Variants in CTNNA3 observed in about 807,000 individuals in gnomAD.
The protein encoded by CTNNA3 is catenin alpha-3.
CTNNA3 carries 76 observed loss-of-function variants against 95.7 expected under a neutral mutation model. The observed-to-expected ratio is 0.79, with a 90% confidence interval of 0.66 to 0.96. CTNNA3 has a LOEUF of 0.96. CTNNA3 is among the 40% of genes least tolerant of loss of function. The pLI is 0.00. For synonymous variants in CTNNA3, 431 were observed against 374.4 expected (o/e 1.15, Z -1.74); for missense variants, 1,191 against 1,089.8 (o/e 1.09, Z -1.31).
At chr10:66,328,725 A>G (rs1443512944) in intron 12 of CTNNA3, among the ~76,000 whole-genome samples, 1 of 151,286 alleles carries the variant, frequency 6.6e-6, no homozygotes, top group Non-Finnish European at 1.5e-5. Flanking sequence ...TGCCTTCTGC[A>G]GGCTGGAGAC....
At chr10:66,417,438 T>A (rs534272195) in intron 11 of CTNNA3, among the ~76,000 whole-genome samples, 2 of 152,126 alleles carry the variant, frequency 1.3e-5, no homozygotes, top group South Asian at 4.1e-4. Context: ...TGGGGGAATT[T>A]ACCACCTTAT....
chr10:66,414,054 A>G (rs979211646), intron 11 of CTNNA3, among the ~76,000 whole-genome samples: 9 of 152,158 alleles, frequency 5.9e-5, no homozygotes, highest in Non-Finnish European at 8.8e-5. Flanking sequence ...ATTAGTAATT[A>G]TTTTATTCTC....
intron 17 of CTNNA3, among the ~76,000 whole-genome samples, chr10:65,935,658 G>C (rs535813499): frequency 1.2e-4 from 18 of 152,110 alleles, no homozygotes; most frequent in African/African-American, 4.1e-4. Context: ...TGGGTTCAGC[G>C]AAATGGTTGT....
At chr10:66,899,373 A>C (rs1015228517) in intron 7 of CTNNA3, among the ~76,000 whole-genome samples, 1 of 152,162 alleles carries the variant, frequency 6.6e-6, no homozygotes, top group Non-Finnish European at 1.5e-5. Flanking sequence ...TATTCAAAAG[A>C]ACTGAAATCA....
chr10:66,875,794 G>C (rs1027471025), intron 7 of CTNNA3, among the ~76,000 whole-genome samples: 1 of 152,138 alleles, frequency 6.6e-6, no homozygotes, highest in South Asian at 2.1e-4. Context: ...GTAGTAAAAA[G>C]AAGCAATCAT....
intron 10 of CTNNA3, among the ~76,000 whole-genome samples, chr10:66,566,656 C>G (rs1842716230): frequency 6.6e-6 from 1 of 152,056 alleles, no homozygotes; most frequent in African/African-American, 2.4e-5. Flanking sequence ...CCATCGCTGT[C>G]TCCTTGTCCT....
At chr10:67,319,399 C>G (rs550837994) in intron 5 of CTNNA3, among the ~76,000 whole-genome samples, 3 of 152,192 alleles carry the variant, frequency 2.0e-5, no homozygotes, top group South Asian at 2.1e-4. Context: ...TCCGGTAACC[C>G]CAACCCGGTA....
chr10:67,566,043 GTATATATA>G lies in CTNNA3; in HGVS notation c.293-26382_293-26375del, dbSNP rs772272609. 3.3e-3 allele frequency among the ~76,000 whole-genome samples: 90 copies of G among 26,970 alleles called. 17 individuals are homozygous for G. The South Asian group carries it at 0.12, about 35-fold the overall frequency. 17.7% of individuals were successfully genotyped at this position (26,970 alleles called of 152,430 possible). A position where few individuals can be genotyped will look rare whatever the true frequency, so the allele number is the denominator to read the frequency against. On this transcript the variant is annotated intron_variant, in intron 3 of 17. Transcript: ENST00000433211. ...CACACACACACACATATGTGTGTGT[GTATATATA>G]TATATATATATATATATATATACAA...
rs570363703 is a variant in CTNNA3, at chr10:66,162,802, C to T, written c.1885-59553G>A. On this transcript the variant is annotated intron_variant, in intron 13 of 17. Coordinates refer to ENST00000433211, the MANE Select transcript of CTNNA3 (RefSeq NM_013266.4). ...GTTATATGCCCTTTGTCTTCCACTACTAGGGTGAGTAGGGAAGGACCATCA... is the reference window on the plus strand; with the variant it reads ...GTTATATGCCCTTTGTCTTCCACTATTAGGGTGAGTAGGGAAGGACCATCA... Among the ~76,000 whole-genome samples, 123 of 151,580 alleles carry T rather than the reference C, an allele frequency of 8.1e-4. 1 individual carries two copies. Among genetic ancestry groups the T allele is most frequent in the Middle Eastern group, 3.4e-3 (1 of 294 alleles).
chr10:66,584,061 A>G (rs1843281684), intron 10 of CTNNA3, among the ~76,000 whole-genome samples: 1 of 151,544 alleles, frequency 6.6e-6, no homozygotes, highest in South Asian at 2.1e-4. Flanking sequence ...TATGATTTTG[A>G]TTTTTAAAAA....
chr10:66,811,700 T>C (rs1841884199), intron 7 of CTNNA3, among the ~76,000 whole-genome samples: 1 of 152,194 alleles, frequency 6.6e-6, no homozygotes, highest in African/African-American at 2.4e-5. Context: ...CACTGAAATT[T>C]ATACCATGTG....
intron 7 of CTNNA3, among the ~76,000 whole-genome samples, chr10:66,886,599 C>T (rs1359944984): frequency 6.6e-6 from 1 of 152,150 alleles, no homozygotes; most frequent in African/African-American, 2.4e-5. Flanking sequence ...CCTCCAGGAC[C>T]ATCTAATTCA....
At chr10:67,560,089 C>A (rs1246770431) in intron 3 of CTNNA3, among the ~76,000 whole-genome samples, 4 of 152,080 alleles carry the variant, frequency 2.6e-5, no homozygotes, top group Admixed American at 6.5e-5. Flanking sequence ...GAGAACTTCC[C>A]CAATCTAGCA....
intron 5 of CTNNA3, among the ~76,000 whole-genome samples, chr10:67,323,100 A>C (rs111520470): frequency 0.039 from 5,901 of 152,126 alleles, 169 homozygotes; most frequent in South Asian, 0.1. Context: ...TAAGCTCCTT[A>C]TAAATGTTGG....
At chr10:66,369,866 C>A (rs117342852) in intron 12 of CTNNA3, among the ~76,000 whole-genome samples, 5,385 of 152,148 alleles carry the variant, frequency 0.035, 125 homozygotes, top group Non-Finnish European at 0.049. Flanking sequence ...TAAACTTGCT[C>A]GTCTTGAAAA....
At chr10:66,318,768 G>T (rs771113888) in intron 12 of CTNNA3, among the ~76,000 whole-genome samples, 1 of 152,056 alleles carries the variant, frequency 6.6e-6, no homozygotes, top group Non-Finnish European at 1.5e-5. Flanking sequence ...TTATGCTGCA[G>T]TTACCAGGCT....
At chr10:66,894,750 CA>C (rs1845406974) in intron 7 of CTNNA3, among the ~76,000 whole-genome samples, 1 of 151,682 alleles carries the variant, frequency 6.6e-6, no homozygotes, top group South Asian at 2.1e-4. Flanking sequence ...TTTCAAAGCA[CA>C]ACAAGCTCAA....
At chr10:66,817,873 A>G (rs1461002544) in intron 7 of CTNNA3, among the ~76,000 whole-genome samples, 2 of 152,056 alleles carry the variant, frequency 1.3e-5, no homozygotes, top group Non-Finnish European at 2.9e-5. Flanking sequence ...CCTTTAAAAT[A>G]TAAGTACAAA....
rs546310077 is a variant in CTNNA3 at position 66,937,561 on chromosome 10, G to T, written c.1048-162037C>A. Among the ~76,000 whole-genome samples, 143 of 152,150 alleles carry T rather than the reference G, an allele frequency of 9.4e-4. 2 individuals carry two copies. In the Middle Eastern group the frequency reaches 0.02, roughly 22 times the overall value. Reference sequence around the variant, plus strand: ...ACTCCTGGTGGACTTTCCGGAAATAGAATCTAAATTTCCATAAGCTCAAGG... The same window carrying T: ...ACTCCTGGTGGACTTTCCGGAAATATAATCTAAATTTCCATAAGCTCAAGG... On this transcript the variant is annotated intron_variant, in intron 7 of 17. Transcript: ENST00000433211.
Sources: allele counts gnomAD v4.1 joint callset (sites outside exome capture counted in the v4.1 genomes callset), GRCh38; gene constraint gnomAD v4.1.1; transcripts MANE v1.5; gene names NCBI Gene and HGNC (gene_info 2026-07-23, HGNC 2026-07-21).